SYN3: variants seen among roughly 807,000 people sequenced by gnomAD.
SYN3 encodes the protein synapsin-3.
Under a neutral mutation model 65.8 loss-of-function variants are expected in SYN3, and 35 were observed. That is an observed-to-expected ratio of 0.53 (90% CI 0.41 to 0.70). The LOEUF is 0.70. Ranked by LOEUF, SYN3 falls within the 30% of genes least tolerant of loss-of-function variation. The pLI is 0.00. For missense variants in SYN3, 680 were observed against 749.0 expected, an observed-to-expected ratio of 0.91 and a Z score of 1.08; for synonymous variants, 270 against 292.9, an observed-to-expected ratio of 0.92 and a Z score of 0.80.
intron 6 of SYN3, among the ~76,000 whole-genome samples, chr22:32,601,697 T>G (rs1034095463): frequency 2.6e-5 from 4 of 152,210 alleles, no homozygotes; most frequent in Admixed American, 1.3e-4. Context: ...GGCCAGATTA[T>G]TGGGGGCCTT....
At chr22:32,852,982 T>C (rs1445482469) in intron 6 of SYN3, among the ~76,000 whole-genome samples, 1 of 152,220 alleles carries the variant, frequency 6.6e-6, no homozygotes, top group African/African-American at 2.4e-5. Flanking sequence ...GGGGACATTA[T>C]GTCCCAGCTG....
intron 3 of SYN3, among the ~76,000 whole-genome samples, chr22:32,954,408 G>A (rs1209885260): frequency 6.9e-6 from 1 of 145,252 alleles, no homozygotes; most frequent in Non-Finnish European, 1.6e-5. Context: ...GCTACCTGCA[G>A]TGGATAGGGC....
chr22:32,941,333 G>C (rs2050932203), intron 3 of SYN3, among the ~76,000 whole-genome samples: 1 of 152,174 alleles, frequency 6.6e-6, no homozygotes, highest in Admixed American at 6.5e-5. Flanking sequence ...TCACACTTCA[G>C]CATATTTCTA....
chr22:32,598,030 G>C (rs894958258), intron 6 of SYN3, among the ~76,000 whole-genome samples: 1 of 152,096 alleles, frequency 6.6e-6, no homozygotes, highest in East Asian at 1.9e-4. Flanking sequence ...TTTGCATTGC[G>C]TGAGGGCAAA....
intron 4 of SYN3, among the ~76,000 whole-genome samples, chr22:32,924,007 A>G (rs2050403493): frequency 6.6e-6 from 1 of 152,188 alleles, no homozygotes; most frequent in African/African-American, 2.4e-5. Context: ...ATGCTCCCAC[A>G]AAAGACATGA....
intron 6 of SYN3, among the ~76,000 whole-genome samples, chr22:32,840,232 C>CA (rs1345896015): frequency 1.3e-5 from 2 of 151,908 alleles, no homozygotes; most frequent in East Asian, 1.9e-4. Context: ...CATTTCTTGC[C>CA]AAAAAAACCT....
At chr22:32,889,519 A>G (rs940767236) in intron 4 of SYN3, among the ~76,000 whole-genome samples, 2 of 152,226 alleles carry the variant, frequency 1.3e-5, no homozygotes, top group East Asian at 1.9e-4. Flanking sequence ...AGCAAGGTAT[A>G]AAGAAGAGGA....
At chr22:32,577,199 G>A (rs1006145187) in intron 7 of SYN3, among the ~76,000 whole-genome samples, 3 of 152,186 alleles carry the variant, frequency 2.0e-5, no homozygotes, top group Non-Finnish European at 4.4e-5. Context: ...CCCCCATTCT[G>A]AGCAGCTTGC....
chr22:33,052,583 C>CAAAAAAAAAA (rs58956477), intron 1 of SYN3, among the ~76,000 whole-genome samples: 2 of 107,848 alleles, frequency 1.9e-5, no homozygotes, highest in Admixed American at 9.5e-5. Flanking sequence ...AGAAGAGGAA[C>CAAAAAAAAAA]AAAAAAAAAA....
rs1003779783 is a variant in SYN3 at position 32,807,682 on chromosome 22, G to A, written c.711+57233C>T. 6.0e-5 allele frequency among the ~76,000 whole-genome samples: 9 copies of A among 150,762 alleles called. No individual in the cohort carries two copies. The East Asian group carries it at 1.7e-3, about 29-fold the overall frequency. ...AGCAAGGAATACAGCCTGTATTTAA[G>A]CCCCTTCACCCTGGCTCTAAAATAT... On this transcript the variant is annotated intron_variant, in intron 6 of 13. Coordinates refer to ENST00000358763, the MANE Select transcript of SYN3 (RefSeq NM_003490.4).
intron 3 of SYN3, among the ~76,000 whole-genome samples, chr22:32,956,852 C>T (rs1209519950): frequency 6.6e-6 from 1 of 152,188 alleles, no homozygotes; most frequent in Non-Finnish European, 1.5e-5. Context: ...GAAGGAACTG[C>T]CATACTGTTC....
chr22:32,893,777 C>A (rs998979119), intron 4 of SYN3, among the ~76,000 whole-genome samples: 1 of 152,044 alleles, frequency 6.6e-6, no homozygotes, highest in Non-Finnish European at 1.5e-5. Flanking sequence ...TCAATATCCC[C>A]TTCTTCGCAA....
chr22:32,879,862 G>T (rs887593762), intron 4 of SYN3, among the ~76,000 whole-genome samples: 6 of 152,198 alleles, frequency 3.9e-5, no homozygotes, highest in Non-Finnish European at 8.8e-5. Context: ...GAAAACAGAG[G>T]ATCAGAAAGT....
At chr22:32,807,313 TA>T (rs1420994904) in intron 6 of SYN3, among the ~76,000 whole-genome samples, 3 of 120,164 alleles carry the variant, frequency 2.5e-5, no homozygotes, top group African/African-American at 9.5e-5. Flanking sequence ...TATAAATATA[TA>T]ATATATAAAT....
intron 7 of SYN3, among the ~76,000 whole-genome samples, chr22:32,565,186 A>G (rs1413837254): frequency 6.6e-6 from 1 of 152,164 alleles, no homozygotes; most frequent in African/African-American, 2.4e-5. Flanking sequence ...GCACCCAAAC[A>G]GTGCTCTCGG....
intron 4 of SYN3, among the ~76,000 whole-genome samples, chr22:32,880,340 CTG>C (rs1016324220): frequency 3.0e-4 from 45 of 152,122 alleles, no homozygotes; most frequent in Admixed American, 2.0e-4. Flanking sequence ...TTCAGGAAAA[CTG>C]TGAGGGGTGA....
chr22:32,756,001 C>T (rs1044236890), intron 6 of SYN3, among the ~76,000 whole-genome samples: 2 of 149,986 alleles, frequency 1.3e-5, no homozygotes, highest in African/African-American at 2.5e-5. Context: ...TGTTTTTACT[C>T]GTAAGTGGGA....
intron 6 of SYN3, among the ~76,000 whole-genome samples, chr22:32,671,535 G>A (rs2060364136): frequency 2.7e-5 from 4 of 148,200 alleles, no homozygotes; most frequent in Non-Finnish European, 4.5e-5. Flanking sequence ...ACATACACAC[G>A]CTCTCACGCA....
At chr22:33,036,622 T>A (rs1160422619) in intron 1 of SYN3, among the ~76,000 whole-genome samples, 1 of 152,050 alleles carries the variant, frequency 6.6e-6, no homozygotes, top group Non-Finnish European at 1.5e-5. Flanking sequence ...AAAATCCTTT[T>A]CTTTGTCTTG....
Sources: gnomAD v4.1 joint callset for allele counts (sites outside exome capture counted in the v4.1 genomes callset) on GRCh38, gnomAD v4.1.1 for gene constraint, MANE v1.5 for transcripts, NCBI Gene and HGNC (gene_info 2026-07-23, HGNC 2026-07-21) for gene names.